The following TM2D2 variants were observed in gnomAD, a reference collection of about 807,000 sequenced individuals.
TM2D2 encodes TM2 domain-containing protein 2.
TM2D2 carries 19 observed loss-of-function variants against 23.0 expected under a neutral mutation model. That is an observed-to-expected ratio of 0.82 (90% confidence interval 0.58 to 1.21). The LOEUF is 1.21. Ranked by LOEUF, TM2D2 falls within the 50% of genes most tolerant of loss-of-function variation. The pLI is 0.00. For synonymous variants in TM2D2, 120 were observed against 108.8 expected, an observed-to-expected ratio of 1.10 and a Z score of -0.64; for missense variants, 246 against 265.4, an observed-to-expected ratio of 0.93 and a Z score of 0.51.
chr8:38,996,774 T>C, upstream of TM2D2: 1 of 1,418,394 alleles, frequency 7.1e-7, no homozygotes, highest in Non-Finnish European at 9.2e-7. Flanking sequence ...GCGGGGCGGA[T>C]ATGACTGGCG....
intron 1 of TM2D2, 124 bp from the exon 2 acceptor site, chr8:38,995,529 C>A: frequency 6.5e-7 from 1 of 1,540,208 alleles, no homozygotes; most frequent in Non-Finnish European, 8.7e-7. Flanking sequence ...TCGGTTTCAC[C>A]CTGCTGACCC....
chr8:38,996,302 G>A lies in TM2D2; in HGVS notation c.138C>T (p.Ser46=), dbSNP rs1348133018. Reference sequence around the variant, plus strand: ...GGCCCTCCGGCTGGGCGGCGCCAGCGGATGTGAGCTCAGGCTCAGCGGTCG... The same window carrying A: ...GGCCCTCCGGCTGGGCGGCGCCAGCAGATGTGAGCTCAGGCTCAGCGGTCG... The part of the protein sequence containing the change: ...QNATAEPELT[S]AGAAQPEGPG... Residue 46 remains serine (S), a synonymous_variant, in exon 1 of 4, where the codon TCC becomes TCT. Coordinates refer to ENST00000456397, the MANE Select transcript of TM2D2 (RefSeq NM_078473.3). 4 of 1,614,112 alleles carry A rather than the reference G, an allele frequency of 2.5e-6. No homozygotes were observed. The highest frequency in any genetic ancestry group is 1.7e-5 in the Admixed American group (1 of 60,030).
At position 38,990,439 on chromosome 8, in the gene TM2D2, C is replaced by T. The variant is rs775076708; in HGVS notation, c.*893G>A. On this transcript the variant is annotated 3_prime_UTR_variant, in exon 4 of 4. Coordinates refer to ENST00000456397, the MANE Select transcript of TM2D2 (RefSeq NM_078473.3). The stretch of plus-strand genomic sequence containing the variant: ...AACATTTCCTTTTATTCCTGGTGAC[C>T]GGGGAATGCAGAGGTGTGGCTGTTA... 24 of 152,138 alleles carry T rather than the reference C, an allele frequency of 1.6e-4. No individual in the cohort carries two copies. Among genetic ancestry groups the T allele is most frequent in the African/African-American group, 4.6e-4 (19 of 41,430 alleles). 9.4% of individuals were successfully genotyped at this position (152,138 alleles called of 1,614,324 possible).
intron 3 of TM2D2, among the ~76,000 whole-genome samples, chr8:38,993,304 C>T (rs989999663): frequency 2.0e-5 from 3 of 152,038 alleles, no homozygotes; most frequent in African/African-American, 7.2e-5. Flanking sequence ...CAAAAAATAA[C>T]AATGAGCTGA....
At position 38,989,525 on chromosome 8, in the gene TM2D2, G is replaced by C. The variant is rs527730413; in HGVS notation, c.*1807C>G. On this transcript the variant is annotated 3_prime_UTR_variant, in exon 4 of 4. Coordinates refer to ENST00000456397, the MANE Select transcript of TM2D2 (RefSeq NM_078473.3). ...GTGGGGGAGTGTGTCTCACCATGTTGGCCAGGCTGGTCTCGAACTCCTGAC... is the reference window on the plus strand; with the variant it reads ...GTGGGGGAGTGTGTCTCACCATGTTCGCCAGGCTGGTCTCGAACTCCTGAC... 1 of 152,368 alleles carries C rather than the reference G, an allele frequency of 6.6e-6. No individual in the cohort carries two copies. The highest frequency in any genetic ancestry group is 2.1e-4 in the South Asian group (1 of 4,830). The allele number at this position is 152,368 out of a possible 1,614,324, so 9.4% of individuals were successfully genotyped here.
rs1266439947 is a variant in TM2D2 at position 38,989,646 on chromosome 8, C to T, written c.*1686G>A. 1 of 152,090 alleles carries T rather than the reference C, an allele frequency of 6.6e-6. No individual in the cohort carries two copies. The highest frequency in any genetic ancestry group is 2.4e-5 in the African/African-American group (1 of 41,408). The allele number at this position is 152,090 out of a possible 1,614,324, so 9.4% of individuals were successfully genotyped here. Reference sequence around the variant, plus strand: ...AAAGTTTCTTATTTTTTAAAGAAAACAACTTTTGGTAGGGTTATGAATATA... The same window carrying T: ...AAAGTTTCTTATTTTTTAAAGAAAATAACTTTTGGTAGGGTTATGAATATA... On this transcript the variant is annotated 3_prime_UTR_variant, in exon 4 of 4. Coordinates refer to ENST00000456397, the MANE Select transcript of TM2D2 (RefSeq NM_078473.3).
rs1835795099 is a variant in TM2D2, at chr8:38,996,382, G to A, written c.58C>T (p.Leu20=). The change falls in exon 1 of 4, where the codon CTG becomes TTG. Residue 20 remains leucine (L), a synonymous_variant. Transcript: ENST00000456397. ...YLLLCGQAAL[L]LGNLLLLHCV... is the part of the protein sequence containing the mutation. ...TGCAGCAGAAGTAAATTCCCCAGCA[G>A]CAAAGCCGCCTGGCCGCACAGAAGT... 1.2e-6 allele frequency: 2 copies of A among 1,614,210 alleles called. No individual in the cohort carries two copies. The highest frequency in any genetic ancestry group is 1.3e-5 in the African/African-American group (1 of 75,068).
upstream of TM2D2, chr8:38,996,541 C>T: frequency 6.6e-7 from 1 of 1,506,912 alleles, no homozygotes; most frequent in Non-Finnish European, 8.9e-7. Flanking sequence ...TAGCCCCGCC[C>T]GCGTAGCCCC....
At chr8:38,996,941 G>C (rs1450458591), upstream of TM2D2, 2 of 1,459,300 alleles carry the variant, frequency 1.4e-6, no homozygotes, top group African/African-American at 1.4e-5. Context: ...CGTCGGGCGC[G>C]CGTGCTCGTC....
Position 38,996,221 on chromosome 8 carries a change from G to C in TM2D2, c.219C>G (p.Cys73Trp). 6.2e-7 allele frequency: 1 copy of C among 1,613,554 alleles called. No individual in the cohort carries two copies. Among genetic ancestry groups the C allele is most frequent in the Non-Finnish European group, 8.5e-7 (1 of 1,179,840 alleles). ...GACCACTGGTAGCTTACAGGTAAGAGCAGAGGATGACCGGAGAGTGGGGGT... is the reference window on the plus strand; with the variant it reads ...GACCACTGGTAGCTTACAGGTAAGACCAGAGGATGACCGGAGAGTGGGGGT... ...YGDPHSPVIL[C>W]SYLPDEFIEC... Residue 73 changes from cysteine (C) to tryptophan (W), a missense_variant, in exon 1 of 4, where the codon TGC becomes TGG. Physicochemically the swap from Cys to Trp is radical, Grantham distance 215 (BLOSUM62 -2). Transcript: ENST00000456397.
Position 38,990,499 on chromosome 8 carries a change from T to C in TM2D2, c.*833A>G, listed in dbSNP as rs978537595. ...GACTGCTGCAGCCCACAGGGAGAGCTAATCATGAAGAATAGTTTTACAGAA... is the reference window on the plus strand; with the variant it reads ...GACTGCTGCAGCCCACAGGGAGAGCCAATCATGAAGAATAGTTTTACAGAA... On this transcript the variant is annotated 3_prime_UTR_variant, in exon 4 of 4. Coordinates refer to ENST00000456397, the MANE Select transcript of TM2D2 (RefSeq NM_078473.3). The C allele has an allele frequency of 2.6e-5, 4 of 152,364 alleles. No homozygotes were observed. Among genetic ancestry groups the C allele is most frequent in the African/African-American group, 9.6e-5 (4 of 41,586 alleles). 9.4% of individuals were successfully genotyped at this position (152,364 alleles called of 1,614,324 possible).
Position 38,996,407 on chromosome 8 carries a change from T to G in TM2D2, c.33A>C (p.Leu11Phe), listed in dbSNP as rs778659455. The G allele has an allele frequency of 1.1e-5, 18 of 1,613,730 alleles. No individual in the cohort carries two copies. The highest frequency in any genetic ancestry group is 1.4e-5 in the Non-Finnish European group (17 of 1,179,946). ...GCAAAGCCGCCTGGCCGCACAGAAG[T>G]AAGTAACTAACCGGGCAACCACCTA... MVLGGCPVSYLLLCGQAALLL... is the reference protein window; with the variant it reads MVLGGCPVSYFLLCGQAALLL... The change falls in exon 1 of 4, where the codon TTA (leucine) becomes TTC (phenylalanine). Residue 11 changes from leucine (L) to phenylalanine (F), a missense_variant. By Grantham distance (22) the Leu-to-Phe change is conservative. This residue lies in a region of TM2D2 where 212 missense variants were observed against 202.2 expected (regional missense o/e 1.05). Transcript: ENST00000456397.
upstream of TM2D2, chr8:38,996,753 C>T: frequency 1.4e-6 from 2 of 1,419,302 alleles, no homozygotes; most frequent in Non-Finnish European, 1.8e-6. Flanking sequence ...GCGTGCCCGG[C>T]AGCCGACGGG....
chr8:38,994,269 T>C (rs1219403963), intron 2 of TM2D2, among the ~76,000 whole-genome samples: 1 of 152,238 alleles, frequency 6.6e-6, no homozygotes, highest in African/African-American at 2.4e-5. Flanking sequence ...CCTCTTACCA[T>C]TGCTTAACTG....
intron 1 of TM2D2, 35 bp downstream of exon 1, chr8:38,996,178 T>A: frequency 6.3e-7 from 1 of 1,598,482 alleles, no homozygotes; most frequent in South Asian, 1.1e-5. Flanking sequence ...TGGCACACCC[T>A]CCACGTCCAC....
rs377199867 is a variant in TM2D2 at position 38,996,356 on chromosome 8, A to G, written c.84T>C (p.His28=). 1.2e-5 allele frequency: 20 copies of G among 1,614,088 alleles called. No individual in the cohort carries two copies. Among genetic ancestry groups the G allele is most frequent in the Non-Finnish European group, 1.4e-5 (17 of 1,180,040 alleles). Residue 28 remains histidine, a synonymous_variant, in exon 1 of 4, where the codon CAT becomes CAC. Transcript: ENST00000456397. ...TTTGCGAGTGGCTCCGAGACACACA[A>G]TGCAGCAGAAGTAAATTCCCCAGCA... ...ALLLGNLLLL[H]CVSRSHSQNA... is the part of the protein sequence containing the mutation.
upstream of TM2D2, chr8:38,996,897 G>C: frequency 1.4e-6 from 2 of 1,461,512 alleles, no homozygotes; most frequent in Non-Finnish European, 9.2e-7. Context: ...AGCTCGGACC[G>C]AGGGCTCAGT....
At chr8:38,992,687 A>C (rs563588091) in intron 3 of TM2D2, among the ~76,000 whole-genome samples, 11 of 152,172 alleles carry the variant, frequency 7.2e-5, no homozygotes, top group Non-Finnish European at 1.3e-4. Flanking sequence ...GCACCATGGT[A>C]GGAGTAGGAG....
chr8:38,996,006 G>A (rs1835769317), intron 1 of TM2D2, among the ~76,000 whole-genome samples: 1 of 152,120 alleles, frequency 6.6e-6, no homozygotes, highest in Non-Finnish European at 1.5e-5. Context: ...TTCCTCTTTG[G>A]GGATCTCAAA....
Sources: gnomAD v4.1 joint callset for allele counts (sites outside exome capture counted in the v4.1 genomes callset) on GRCh38, gnomAD v4.1.1 for gene constraint, gnomAD v4.1.1 regional missense constraint, MANE v1.5 for transcripts, NCBI Gene and HGNC (gene_info 2026-07-23, HGNC 2026-07-21) for gene names.